RPS7: variants seen among roughly 807,000 people sequenced by gnomAD.
RPS7 encodes the protein ribosomal protein S7, also known as small ribosomal subunit protein eS7.
In RPS7, 1 loss-of-function variant was observed where a neutral mutation model predicts 22.1. The ratio of observed to expected loss-of-function variants is 0.05; its 90% CI spans 0.02 to 0.21. The LOEUF (loss-of-function observed/expected upper bound fraction) is 0.21, where lower values mean the gene tolerates loss of function less well. Ranked by LOEUF, RPS7 falls within the 10% of genes least tolerant of loss-of-function variation. The pLI is 1.00. For synonymous variants in RPS7, 80 were observed against 92.0 expected, an observed-to-expected ratio of 0.87 and a Z score of 0.74; for missense variants, 137 against 246.4, an observed-to-expected ratio of 0.56 and a Z score of 2.97.
chr2:3,580,075 T>TG (rs575583503), intron 5 of RPS7, 35 bp from the exon 6 acceptor site: 1 of 1,612,500 alleles, frequency 6.2e-7, no homozygotes, highest in Non-Finnish European at 8.5e-7. Context: ...GGGCAGGCGT[T>TG]GCTAGGTTGC....
In RPS7 at chr2:3,579,969, C is replaced by A. The variant is rs931250864; in HGVS notation, c.357-141C>A. 8 of 813,058 alleles carry A rather than the reference C, an allele frequency of 9.8e-6. No individual in the cohort carries two copies. In the East Asian group the frequency reaches 1.5e-4, roughly 15 times the overall value. The allele number at this position is 813,058 out of a possible 1,614,324, so 50.4% of individuals were successfully genotyped here. On this transcript the variant is annotated intron_variant, in intron 5 of 6. Transcript: ENST00000645674. Reference sequence around the variant, plus strand: ...CTTTAGTTTGGTACGTGAAATATAACAAGCTTATTTGAAAATGAGTGTTAA... The same window carrying A: ...CTTTAGTTTGGTACGTGAAATATAAAAAGCTTATTTGAAAATGAGTGTTAA...
At chr2:3,578,571 TG>T (rs1378667042) in intron 5 of RPS7, 2 of 152,190 alleles carry the variant, frequency 1.3e-5, no homozygotes, top group African/African-American at 4.8e-5. Context: ...AACACAGTGT[TG>T]GGAGTCTGGT....
intron 3 of RPS7, chr2:3,576,165 G>A (rs1661274793): frequency 5.0e-6 from 3 of 594,632 alleles, no homozygotes; most frequent in South Asian, 4.0e-5. Flanking sequence ...CCCTTACTTA[G>A]TTATAGATAC....
intron 4 of RPS7, chr2:3,577,322 C>T (rs564406024): frequency 2.8e-3 from 575 of 205,604 alleles, no homozygotes; most frequent in Non-Finnish European, 4.3e-3. Flanking sequence ...GGCGACAGAG[C>T]GAGACTCCAT....
At chr2:3,577,997 G>C in intron 5 of RPS7, 3 of 571,840 alleles carry the variant, frequency 5.2e-6, no homozygotes, top group Non-Finnish European at 9.3e-6. Flanking sequence ...GCTGTCACAA[G>C]ATGAGATGAT....
intron 5 of RPS7, 150 bp from the exon 6 acceptor site, chr2:3,579,960 G>A (rs761129300): frequency 2.6e-6 from 2 of 781,068 alleles, no homozygotes; most frequent in African/African-American, 3.4e-5. Context: ...TTTGGTACGT[G>A]AAATATAACA....
chr2:3,575,353 A>C lies in RPS7; in HGVS notation c.-19+3A>C. ...TTCCTAAGCCGGCGCTCGGCAAGGT[A>C]GGTTGGCGGCCTGCTCTCCGACAGA... is the stretch of plus-strand genomic sequence containing the variant. On this transcript the variant is annotated splice_donor_region_variant and intron_variant, in intron 1 of 6. Coordinates refer to ENST00000645674, the MANE Select transcript of RPS7 (RefSeq NM_001011.4). 3.8e-6 allele frequency: 2 copies of C among 532,168 alleles called. No individual in the cohort carries two copies. The highest frequency in any genetic ancestry group is 3.3e-6 in the Non-Finnish European group (1 of 300,312). 33.0% of individuals were successfully genotyped at this position (532,168 alleles called of 1,614,324 possible).
At chr2:3,580,002 T>C in intron 5 of RPS7, 108 bp from the exon 6 acceptor site, 1 of 1,036,092 alleles carries the variant, frequency 9.7e-7, no homozygotes, top group Non-Finnish European at 1.5e-6. Context: ...TAATTTGACT[T>C]CAGGAACCTG....
At chr2:3,579,754 T>C in intron 5 of RPS7, 2 of 363,068 alleles carry the variant, frequency 5.5e-6, no homozygotes, top group Non-Finnish European at 1.0e-5. Context: ...TAAAGGTTAT[T>C]GTAGTGATTT....
At chr2:3,579,128 C>A (rs982199316) in intron 5 of RPS7, 3 of 152,190 alleles carry the variant, frequency 2.0e-5, no homozygotes, top group Admixed American at 6.5e-5. Flanking sequence ...TGCCATTGCT[C>A]CCCATTTTAA....
At chr2:3,580,657 C>G (rs1057034808) in intron 6 of RPS7, 148 bp from the exon 7 acceptor site, 5 of 680,386 alleles carry the variant, frequency 7.3e-6, no homozygotes, top group Middle Eastern at 3.9e-4. Context: ...AAGAGCTTGT[C>G]CCCGGTCGTG....
intron 5 of RPS7, 97 bp downstream of exon 5, chr2:3,577,871 G>T (rs1661320817): frequency 3.5e-6 from 3 of 859,662 alleles, no homozygotes; most frequent in Non-Finnish European, 1.9e-6. Flanking sequence ...TGTTCAAGTG[G>T]GAATTTTTGA....
Position 3,577,723 on chromosome 2 carries a change from C to T in RPS7, c.305C>T (p.Pro102Leu), listed in dbSNP as rs878858480. Residue 102 changes from proline (P) to leucine (L), a missense_variant, in exon 5 of 7, where the codon CCT becomes CTT. Physicochemically the swap from Pro to Leu is moderately conservative, Grantham distance 98. This residue lies in a region of RPS7 where 74 missense variants were observed against 171.4 expected (regional missense o/e 0.43). Coordinates refer to ENST00000645674, the MANE Select transcript of RPS7 (RefSeq NM_001011.4). The part of the protein sequence containing the change: ...VVFIAQRRIL[P>L]KPTRKSRTKN... ...TTTACCTTACAGAGGAGAATTCTGC[C>T]TAAGCCAACTCGAAAAAGCCGTACA... The T allele has an allele frequency of 1.2e-6, 2 of 1,612,224 alleles. No homozygotes were observed. Among genetic ancestry groups the T allele is most frequent in the South Asian group, 1.1e-5 (1 of 90,988 alleles).
In RPS7 at chr2:3,576,642, A is replaced by T. The variant is rs1661286305; in HGVS notation, c.291+12A>T. The T allele has an allele frequency of 6.2e-7, 1 of 1,614,010 alleles. No individual in the cohort carries two copies. The highest frequency in any genetic ancestry group is 1.3e-5 in the African/African-American group (1 of 74,920). On this transcript the variant is annotated intron_variant, in intron 4 of 6. Coordinates refer to ENST00000645674, the MANE Select transcript of RPS7 (RefSeq NM_001011.4). ...TCTTTATCGCTCAGGTATCTGTTCT[A>T]CTGTTGCAGCACGTTTCTGTTTGTG...
intron 4 of RPS7, chr2:3,577,420 G>C (rs1237328677): frequency 4.8e-6 from 2 of 417,874 alleles, no homozygotes; most frequent in Non-Finnish European, 4.4e-6. Flanking sequence ...GGATTGATCT[G>C]GAATAAAAGT....
At chr2:3,576,802 G>A (rs537861721) in intron 4 of RPS7, 172 bp downstream of exon 4, 34 of 830,586 alleles carry the variant, frequency 4.1e-5, no homozygotes, top group South Asian at 3.8e-4. Context: ...ATCCCAGCAC[G>A]GGGAGGTGGA....
chr2:3,575,823 C>T lies in RPS7; in HGVS notation c.82C>T (p.Leu28=), dbSNP rs369561705. The T allele has an allele frequency of 5.6e-6, 9 of 1,612,142 alleles. No individual in the cohort carries two copies. The highest frequency in any genetic ancestry group is 7.6e-6 in the Non-Finnish European group (9 of 1,179,592). The part of the protein sequence containing the change: ...EFESGISQAL[L]ELEMNSDLKA... ...GCTGTTCGTTGCTTCTTAGGCTCTT[C>T]TGGAGCTGGAGATGAACTCGGACCT... Residue 28 remains leucine, a synonymous_variant, in exon 3 of 7, where the codon CTG becomes TTG. Coordinates refer to ENST00000645674, the MANE Select transcript of RPS7 (RefSeq NM_001011.4).
At chr2:3,580,059 C>T (rs758556114) in intron 5 of RPS7, 51 bp from the exon 6 acceptor site, 28 of 1,580,982 alleles carry the variant, frequency 1.8e-5, no homozygotes, top group Non-Finnish European at 2.3e-5. Flanking sequence ...TCTGGAGTTG[C>T]CCAGAGGGCA....
intron 6 of RPS7, chr2:3,580,527 TAG>T (rs1159258542): frequency 9.6e-6 from 6 of 628,114 alleles, no homozygotes; most frequent in Non-Finnish European, 1.7e-5. Context: ...CTTGGTGAGT[TAG>T]GGGTGGGTGG....
Sources: gnomAD v4.1 joint callset for allele counts on GRCh38, gnomAD v4.1.1 for gene constraint, gnomAD v4.1.1 regional missense constraint, MANE v1.5 for transcripts, NCBI Gene and HGNC (gene_info 2026-07-23, HGNC 2026-07-21) for gene names.